The following DST variants were observed in gnomAD, a reference collection of about 807,000 sequenced individuals.
DST encodes the protein bullous pemphigoid antigen.
In DST, 253 loss-of-function variants were observed where a neutral mutation model predicts 875.2. That is an observed-to-expected ratio of 0.29 (90% CI 0.26 to 0.32). The LOEUF (loss-of-function observed/expected upper bound fraction) is 0.32. Ranked by LOEUF, DST falls within the 10% of genes least tolerant of loss-of-function variation. The pLI is 1.00. For synonymous variants in DST, 3,124 were observed against 3,197.1 expected (o/e 0.98, Z 0.77); for missense variants, 8,287 against 9,111.6 (o/e 0.91, Z 3.68).
At chr6:56,466,036 T>A in intron 99 of DST, 42 bp downstream of exon 99, 1 of 1,471,192 alleles carries the variant, frequency 6.8e-7, no homozygotes, top group Non-Finnish European at 9.4e-7. Context: ...AATATAAAAT[T>A]GAAATACTTT....
In DST at chr6:56,616,360, A is replaced by C. The variant is rs941444126; in HGVS notation, c.4930-1876T>G. ...CCTTCCACTGATATTGCTGCCCTGA[A>C]AGTTCAAGATATATACTTTTCTCAA... On this transcript the variant is annotated intron_variant, in intron 36 of 103. Coordinates refer to ENST00000680361, the MANE Select transcript of DST (RefSeq NM_001374736.1). 6 of 1,613,596 alleles carry C rather than the reference A, an allele frequency of 3.7e-6. No homozygotes were observed. Among genetic ancestry groups the C allele is most frequent in the Non-Finnish European group, 4.2e-6 (5 of 1,180,030 alleles).
chr6:56,521,851 CT>C (rs2096714177), intron 69 of DST, among the ~76,000 whole-genome samples: 1 of 151,930 alleles, frequency 6.6e-6, no homozygotes, highest in Non-Finnish European at 1.5e-5. Flanking sequence ...ACATGGCTCA[CT>C]TTATATGTAA....
At position 56,642,071 on chromosome 6, in the gene DST, A is replaced by ACT; in HGVS notation, c.1901_1902dup (p.Phe635SerfsTer23). 1 of 1,612,884 alleles carries ACT rather than the reference A, an allele frequency of 6.2e-7. No individual in the cohort carries two copies. Among genetic ancestry groups the ACT allele is most frequent in the Non-Finnish European group, 8.5e-7 (1 of 1,179,142 alleles). Reference sequence around the variant, plus strand: ...CCAGCAATTTCTGCTTCATTCTGAAACTGCACTCCTGATTCTAATCTTTTA... The same window carrying ACT: ...CCAGCAATTTCTGCTTCATTCTGAAACTCTGCACTCCTGATTCTAATCTTTTA... On this transcript the variant is annotated frameshift_variant, in exon 17 of 104. Transcript: ENST00000680361. LOFTEE classifies it high-confidence loss of function.
intron 4 of DST, among the ~76,000 whole-genome samples, chr6:56,773,621 G>T (rs1460555519): frequency 6.6e-6 from 1 of 152,132 alleles, no homozygotes; most frequent in Non-Finnish European, 1.5e-5. Flanking sequence ...CCAACCAACT[G>T]CTGCCATGTG....
At chr6:56,935,039 G>C (rs922556023) in intron 2 of DST, among the ~76,000 whole-genome samples, 1 of 151,932 alleles carries the variant, frequency 6.6e-6, no homozygotes, top group African/African-American at 2.4e-5. Flanking sequence ...GTTTTCCTAA[G>C]CTACACACAC....
chr6:56,871,775 GTAA>G, intron 3 of DST: 1 of 85,726 alleles, frequency 1.2e-5, no homozygotes, highest in Non-Finnish European at 2.1e-5. Context: ...ACAATTAAAA[GTAA>G]AAAAAAAAAA....
chr6:56,889,917 G>A (rs1436090938), intron 3 of DST, among the ~76,000 whole-genome samples: 1 of 152,114 alleles, frequency 6.6e-6, no homozygotes, highest in Non-Finnish European at 1.5e-5. Flanking sequence ...TTTACCTATG[G>A]TTTTCAATAC....
At chr6:56,467,739 T>C (rs554610434) in intron 98 of DST, among the ~76,000 whole-genome samples, 1 of 152,280 alleles carries the variant, frequency 6.6e-6, no homozygotes, top group South Asian at 2.1e-4. Flanking sequence ...AATTTTCTGT[T>C]TTAATTAGGC....
intron 73 of DST, among the ~76,000 whole-genome samples, chr6:56,510,659 A>T (rs1316402340): frequency 6.6e-6 from 1 of 152,212 alleles, no homozygotes; most frequent in Non-Finnish European, 1.5e-5. Context: ...GGATTGTGAC[A>T]CTGGCCCACT....
intron 49 of DST, among the ~76,000 whole-genome samples, chr6:56,584,160 C>G (rs1250659451): frequency 6.6e-6 from 1 of 152,012 alleles, no homozygotes; most frequent in African/African-American, 2.4e-5. Flanking sequence ...GGGGATGGCA[C>G]TGAATCTATA....
chr6:56,471,806 C>T (rs2152398196), intron 94 of DST: 1 of 516,020 alleles, frequency 1.9e-6, no homozygotes, highest in Non-Finnish European at 3.5e-6. Context: ...CTTAAGGAAT[C>T]AGCTTCTGAT....
At chr6:56,622,906 T>C (rs1428131162) in intron 36 of DST, among the ~76,000 whole-genome samples, 2 of 152,248 alleles carry the variant, frequency 1.3e-5, no homozygotes, top group Non-Finnish European at 2.9e-5. Flanking sequence ...TTTGATTTTA[T>C]GTTTATTATG....
At chr6:56,931,542 A>C (rs1810205980) in intron 2 of DST, among the ~76,000 whole-genome samples, 1 of 152,128 alleles carries the variant, frequency 6.6e-6, no homozygotes, top group Non-Finnish European at 1.5e-5. Flanking sequence ...AACCGCTTAC[A>C]CTGTTGGCCT....
Position 56,573,794 on chromosome 6 carries a change from T to C in DST, c.13121A>G (p.Gln4374Arg). The C allele has an allele frequency of 2.5e-6, 4 of 1,613,678 alleles. No individual in the cohort carries two copies. Among genetic ancestry groups the C allele is most frequent in the Non-Finnish European group, 3.4e-6 (4 of 1,179,712 alleles). ...GTCCAGCATTTCATCCAAGCCATCC[T>C]GCACACTCAGTGAACGGGTCAAGGT... ...QITLTRSLSV[Q>R]DGLDEMLDWM... is the part of the protein sequence containing the mutation. Residue 4374 changes from glutamine (Q) to arginine (R), a missense_variant, in exon 51 of 104, where the codon CAG (glutamine) becomes CGG (arginine). Physicochemically the swap from Gln to Arg is conservative, Grantham distance 43 (BLOSUM62 1). Around this residue, in one of 10 missense-constraint regions of DST, gnomAD observed 1,513 missense variants for 1,677.8 expected, o/e 0.90. Transcript: ENST00000680361.
At chr6:56,568,767 T>C (rs1288665055) in intron 54 of DST, among the ~76,000 whole-genome samples, 172 bp from the exon 55 acceptor site, 6 of 152,216 alleles carry the variant, frequency 3.9e-5, no homozygotes, top group Non-Finnish European at 7.3e-5. Flanking sequence ...GTGACTGTTA[T>C]CTCAGTTAAC....
At chr6:56,618,147 T>C (rs138919181) in intron 36 of DST, 2 of 1,614,080 alleles carry the variant, frequency 1.2e-6, no homozygotes, top group African/African-American at 2.7e-5. Flanking sequence ...AACTCGGTGC[T>C]TGTCTGAGAA....
At chr6:56,824,847 C>T (rs1208128287) in intron 4 of DST, among the ~76,000 whole-genome samples, 39 of 152,060 alleles carry the variant, frequency 2.6e-4, no homozygotes, top group Admixed American at 9.8e-4. Context: ...CGTCTCCGCC[C>T]CGCAGCCACC....
At chr6:56,573,100 G>A (rs770967303) in intron 51 of DST, 36 bp from the exon 52 acceptor site, 2 of 1,447,922 alleles carry the variant, frequency 1.4e-6, no homozygotes, top group Admixed American at 5.5e-5. Flanking sequence ...CTTTTATTAT[G>A]ATGCTTATAA....
intron 78 of DST, 33 bp downstream of exon 78, chr6:56,503,964 G>A: frequency 6.8e-7 from 1 of 1,464,002 alleles, no homozygotes. Flanking sequence ...AAAACTGCAA[G>A]GGAGTCTTCG....
Sources: gnomAD v4.1 joint callset for allele counts (sites outside exome capture counted in the v4.1 genomes callset) on GRCh38, gnomAD v4.1.1 for gene constraint, gnomAD v4.1.1 regional missense constraint, MANE v1.5 for transcripts, NCBI Gene and HGNC (gene_info 2026-07-23, HGNC 2026-07-21) for gene names.